The following RGL2 variants were observed in gnomAD, a reference collection of about 807,000 sequenced individuals.
RGL2 encodes ral guanine nucleotide dissociation stimulator like 2, also known as ral guanine nucleotide dissociation stimulator-like 2.
Under a neutral mutation model 84.6 loss-of-function variants are expected in RGL2, and 40 were observed. The ratio of observed to expected loss-of-function variants is 0.47; its 90% CI spans 0.37 to 0.62. RGL2 has a LOEUF of 0.62. RGL2 is among the 20% of genes least tolerant of loss of function. The pLI, the probability that RGL2 is intolerant of heterozygous loss-of-function variation, is 0.00. For missense variants in RGL2, 865 were observed against 1,019.7 expected (o/e 0.85, Z 2.07); for synonymous variants, 369 against 417.3 (o/e 0.88, Z 1.41).
Position 33,295,505 on chromosome 6 carries a change from C to T in RGL2, c.1020+3G>A. ...CAAACCGTAGGGCAATCTTCTCTCT[C>T]ACCTCTGCCACGCGGATCCACTTCT... On this transcript the variant is annotated splice_donor_region_variant and intron_variant, in intron 7 of 17. Coordinates refer to ENST00000497454, the MANE Select transcript of RGL2 (RefSeq NM_004761.5). This position sits in a 1 kb window ranked among gnomAD's most constrained non-coding sequence, Gnocchi z 7.2. The T allele has an allele frequency of 1.2e-6, 2 of 1,613,198 alleles. No homozygotes were observed. Among genetic ancestry groups the T allele is most frequent in the East Asian group, 2.2e-5 (1 of 44,862 alleles).
Position 33,293,127 on chromosome 6 carries a change from G to A in RGL2, c.1896C>T (p.Ser632=), listed in dbSNP as rs574036110. 3.0e-5 allele frequency: 48 copies of A among 1,612,952 alleles called. No individual in the cohort carries two copies. The highest frequency in any genetic ancestry group is 1.7e-4 in the Admixed American group (10 of 59,734). Residue 632 remains serine (S), a synonymous_variant, in exon 16 of 18, where the codon TCC becomes TCT. Transcript: ENST00000497454. This position sits in a 1 kb window ranked among gnomAD's most constrained non-coding sequence, Gnocchi z 7.0. ...CCTCTCCCCCATATCCAGTCCCCCCGGAGGCCTCTTCTGCACCCCCACTCA... is the reference window on the plus strand; with the variant it reads ...CCTCTCCCCCATATCCAGTCCCCCCAGAGGCCTCTTCTGCACCCCCACTCA... ...SPLSGGAEEA[S]GGTGYGGEGS...
chr6:33,295,444 G>A lies in RGL2; in HGVS notation c.1021-22C>T. The stretch of plus-strand genomic sequence containing the variant: ...ACTCCTGTGGGGGTCAAAGAAGAGA[G>A]CTAAGGCTATGGGAGGCCTCTCCAT... On this transcript the variant is annotated intron_variant, in intron 7 of 17. Coordinates refer to ENST00000497454, the MANE Select transcript of RGL2 (RefSeq NM_004761.5). The surrounding 1 kb of genome is among the most constrained non-coding windows in gnomAD (Gnocchi z 7.2). The A allele has an allele frequency of 1.2e-6, 2 of 1,613,266 alleles. No homozygotes were observed. Among genetic ancestry groups the A allele is most frequent in the Non-Finnish European group, 1.7e-6 (2 of 1,179,998 alleles).
rs1481813893 is a variant in RGL2 at position 33,293,931 on chromosome 6, T to G, written c.1387-15A>C. ...ACTGCAAACTCCTGGGAAGGAGCCC[T>G]CAAACTGCAGGAGCCAAAACTCAGG... On this transcript the variant is annotated splice_polypyrimidine_tract_variant and intron_variant, in intron 12 of 17. Coordinates refer to ENST00000497454, the MANE Select transcript of RGL2 (RefSeq NM_004761.5). The surrounding 1 kb of genome is among the most constrained non-coding windows in gnomAD (Gnocchi z 7.0). 31 of 1,613,978 alleles carry G rather than the reference T, an allele frequency of 1.9e-5. No individual in the cohort carries two copies. The highest frequency in any genetic ancestry group is 2.5e-5 in the Non-Finnish European group (29 of 1,180,010).
chr6:33,293,649 G>C lies in RGL2; in HGVS notation c.1559C>G (p.Ala520Gly), dbSNP rs777392591. 6.3e-5 allele frequency: 101 copies of C among 1,614,044 alleles called. No homozygotes were observed. Among genetic ancestry groups the C allele is most frequent in the Non-Finnish European group, 8.6e-5 (101 of 1,180,034 alleles). The change falls in exon 14 of 18, where the codon GCC becomes GGC. Residue 520 changes from alanine to glycine, a missense_variant. Transcript: ENST00000497454. The surrounding 1 kb of genome is among the most constrained non-coding windows in gnomAD (Gnocchi z 7.0). ...VEPPGSSDPP[A>G]PRVLRPTLVI... ...CAATGTTGGCCGAAGCACCCGTGGG[G>C]CAGGAGGGTCACTGGAACCAGGTGG...
At position 33,297,348 on chromosome 6, in the gene RGL2, A is replaced by G. The variant is rs1347479517; in HGVS notation, c.157-233T>C. 3 of 495,284 alleles carry G rather than the reference A, an allele frequency of 6.1e-6. No homozygotes were observed. Among genetic ancestry groups the G allele is most frequent in the Non-Finnish European group, 1.1e-5 (3 of 281,580 alleles). The allele number at this position is 495,284 out of a possible 1,614,324, so 30.7% of individuals were successfully genotyped here. On this transcript the variant is annotated intron_variant, in intron 2 of 17. Transcript: ENST00000497454. The surrounding 1 kb of genome is among the most constrained non-coding windows in gnomAD (Gnocchi z 4.0). ...GCCCCGGTGGAGTCGAAGGGGCTGCAGTGGAGGCGTGGATGGAGTACAGGA... is the reference window on the plus strand; with the variant it reads ...GCCCCGGTGGAGTCGAAGGGGCTGCGGTGGAGGCGTGGATGGAGTACAGGA...
chr6:33,295,839 G>C lies in RGL2; in HGVS notation c.769-80C>G. On this transcript the variant is annotated intron_variant, in intron 6 of 17. Transcript: ENST00000497454. The surrounding 1 kb of genome is among the most constrained non-coding windows in gnomAD (Gnocchi z 7.2). ...AATATCAGGGATCTGAGGATCTCAGGTGGCCAAGGAACCAGAGGGGCACAG... is the reference window on the plus strand; with the variant it reads ...AATATCAGGGATCTGAGGATCTCAGCTGGCCAAGGAACCAGAGGGGCACAG... 6.5e-7 allele frequency: 1 copy of C among 1,531,022 alleles called. No homozygotes were observed. Among genetic ancestry groups the C allele is most frequent in the Non-Finnish European group, 8.9e-7 (1 of 1,121,552 alleles). 94.8% of individuals were successfully genotyped at this position (1,531,022 alleles called of 1,614,324 possible).
chr6:33,293,732 A>G lies in RGL2; in HGVS notation c.1509-33T>C. Reference sequence around the variant, plus strand: ...AGGGGGGCAATAGGCAGAGCTCAGGACATGACACCAATCCCCCACACCTGG... The same window carrying G: ...AGGGGGGCAATAGGCAGAGCTCAGGGCATGACACCAATCCCCCACACCTGG... On this transcript the variant is annotated intron_variant, in intron 13 of 17. Transcript: ENST00000497454. This position sits in a 1 kb window ranked among gnomAD's most constrained non-coding sequence, Gnocchi z 7.0. The G allele has an allele frequency of 6.2e-7, 1 of 1,613,340 alleles. No homozygotes were observed. The highest frequency in any genetic ancestry group is 8.5e-7 in the Non-Finnish European group (1 of 1,179,496).
chr6:33,297,248 G>A lies in RGL2; in HGVS notation c.157-133C>T. On this transcript the variant is annotated intron_variant, in intron 2 of 17. Transcript: ENST00000497454. This position sits in a 1 kb window ranked among gnomAD's most constrained non-coding sequence, Gnocchi z 4.0. ...CAGGGCATAGTACCAGCGAGTGCGA[G>A]GAAGGGTTGGGGGAGCTGGTGACCC... The A allele has an allele frequency of 1.5e-6, 1 of 677,216 alleles. No homozygotes were observed. The highest frequency in any genetic ancestry group is 2.4e-6 in the Non-Finnish European group (1 of 418,526). The allele number at this position is 677,216 out of a possible 1,614,324, so 42.0% of individuals were successfully genotyped here.
rs956249589 is a variant in RGL2, at chr6:33,298,448, G to C, written c.156+7C>G. ...ACGCCCCCTACCTCCCACCACCCGC[G>C]TCTCACCTCTTCTTCTTCCTCCTCC... On this transcript the variant is annotated splice_region_variant and intron_variant, in intron 2 of 17. Coordinates refer to ENST00000497454, the MANE Select transcript of RGL2 (RefSeq NM_004761.5). This position sits in a 1 kb window ranked among gnomAD's most constrained non-coding sequence, Gnocchi z 4.8. 4 of 1,449,590 alleles carry C rather than the reference G, an allele frequency of 2.8e-6. No individual in the cohort carries two copies. In the African/African-American group the frequency reaches 4.3e-5, roughly 16 times the overall value. 89.8% of individuals were successfully genotyped at this position (1,449,590 alleles called of 1,614,324 possible).
At position 33,293,409 on chromosome 6, in the gene RGL2, T is replaced by A. The variant is rs1767624969; in HGVS notation, c.1716+4A>T. The A allele has an allele frequency of 6.2e-7, 1 of 1,612,530 alleles. No homozygotes were observed. The highest frequency in any genetic ancestry group is 1.3e-5 in the African/African-American group (1 of 74,836). On this transcript the variant is annotated splice_donor_region_variant and intron_variant, in intron 15 of 17. Coordinates refer to ENST00000497454, the MANE Select transcript of RGL2 (RefSeq NM_004761.5). The surrounding 1 kb of genome is among the most constrained non-coding windows in gnomAD (Gnocchi z 7.0). ...TCAAGGTCAGAGTCAGGAGCAGAGC[T>A]CACCTGGGCCAGCCGAGTCAGCAGA... is the stretch of plus-strand genomic sequence containing the variant.
chr6:33,296,297 G>A lies in RGL2; in HGVS notation c.499C>T (p.Leu167=), dbSNP rs771381573. 6.2e-7 allele frequency: 1 copy of A among 1,613,300 alleles called. No individual in the cohort carries two copies. The highest frequency in any genetic ancestry group is 1.1e-5 in the South Asian group (1 of 90,984). The change falls in exon 6 of 18, where the codon CTG becomes TTG. Residue 167 remains leucine, a synonymous_variant. Transcript: ENST00000497454. This position sits in a 1 kb window ranked among gnomAD's most constrained non-coding sequence, Gnocchi z 5.0. The stretch of plus-strand genomic sequence containing the variant: ...CCAAAATCCTCAGGGTGAGAGGCCA[G>A]CCAGGTTGACAGTACAGAGATGGCT... The part of the protein sequence containing the change: ...EVAISVLSTW[L]ASHPEDFGSE...
rs773313766 is a variant in RGL2, at chr6:33,293,709, G to A, written c.1509-10C>T. The A allele has an allele frequency of 6.2e-7, 1 of 1,613,930 alleles. No individual in the cohort carries two copies. The highest frequency in any genetic ancestry group is 8.5e-7 in the Non-Finnish European group (1 of 1,179,872). ...ACAGGATACACGATGGCTGGGTTAG[G>A]GGGGCAATAGGCAGAGCTCAGGACA... On this transcript the variant is annotated splice_polypyrimidine_tract_variant and intron_variant, in intron 13 of 17. Coordinates refer to ENST00000497454, the MANE Select transcript of RGL2 (RefSeq NM_004761.5). The surrounding 1 kb of genome is among the most constrained non-coding windows in gnomAD (Gnocchi z 7.0).
At chr6:33,292,397 T>C (rs944844336) in intron 17 of RGL2, 33 bp downstream of exon 17, 1 of 1,607,242 alleles carries the variant, frequency 6.2e-7, no homozygotes, top group African/African-American at 1.3e-5. Context: ...TCCACTCTCC[T>C]CCCGAGTCTG....
chr6:33,298,392 C>T lies in RGL2; in HGVS notation c.156+63G>A, dbSNP rs1022961349. 1.1e-6 allele frequency: 1 copy of T among 901,310 alleles called. No homozygotes were observed. Among genetic ancestry groups the T allele is most frequent in the African/African-American group, 1.8e-5 (1 of 56,924 alleles). 55.8% of individuals were successfully genotyped at this position (901,310 alleles called of 1,614,324 possible). On this transcript the variant is annotated intron_variant, in intron 2 of 17. Transcript: ENST00000497454. This position sits in a 1 kb window ranked among gnomAD's most constrained non-coding sequence, Gnocchi z 4.8. ...AGGAGGAGATGTAGGGACCCAGAGA[C>T]AAGAGAAAAGTGGAGACTTCAGAAA...
chr6:33,295,237 G>A lies in RGL2; in HGVS notation c.1125-26C>T. 6.3e-7 allele frequency: 1 copy of A among 1,584,290 alleles called. No homozygotes were observed. Among genetic ancestry groups the A allele is most frequent in the Middle Eastern group, 1.7e-4 (1 of 6,024 alleles). ...CTGGGGAAGGGAGAAAAGTGGCCCT[G>A]AGGACAGGCCTGGCTCTGTCACCCC... On this transcript the variant is annotated intron_variant, in intron 8 of 17. Coordinates refer to ENST00000497454, the MANE Select transcript of RGL2 (RefSeq NM_004761.5). This position sits in a 1 kb window ranked among gnomAD's most constrained non-coding sequence, Gnocchi z 7.2.
At position 33,298,775 on chromosome 6, in the gene RGL2, G is replaced by T. The variant is rs1768276686; in HGVS notation, c.-42+95C>A. The T allele has an allele frequency of 2.0e-6, 1 of 501,812 alleles. No homozygotes were observed. Among genetic ancestry groups the T allele is most frequent in the Non-Finnish European group, 3.5e-6 (1 of 286,640 alleles). The allele number at this position is 501,812 out of a possible 1,614,324, so 31.1% of individuals were successfully genotyped here. On this transcript the variant is annotated intron_variant, in intron 1 of 17. Transcript: ENST00000497454. This position sits in a 1 kb window ranked among gnomAD's most constrained non-coding sequence, Gnocchi z 4.8. ...GAGTTCTGCAGGAAGGTTGGGGGAG[G>T]GGGCAACAGAAGGGTGGAATAGGGG...
chr6:33,294,118 CAG>C lies in RGL2; in HGVS notation c.1354-54_1354-53del, dbSNP rs751761632. On this transcript the variant is annotated intron_variant, in intron 11 of 17. Transcript: ENST00000497454. The surrounding 1 kb of genome is among the most constrained non-coding windows in gnomAD (Gnocchi z 5.0). ...AAGTTCCAACCCTACCTTCCGGCCACAGAGAGAGAATATCCCCTCTCTTAAAC... is the reference window on the plus strand; with the variant it reads ...AAGTTCCAACCCTACCTTCCGGCCACAGAGAGAATATCCCCTCTCTTAAAC... 1.3e-5 allele frequency: 20 copies of C among 1,582,864 alleles called. No individual in the cohort carries two copies. Among genetic ancestry groups the C allele is most frequent in the Middle Eastern group, 2.0e-4 (1 of 5,030 alleles).
chr6:33,295,165 C>T lies in RGL2; in HGVS notation c.1171G>A (p.Glu391Lys). 6.2e-7 allele frequency: 1 copy of T among 1,607,662 alleles called. No homozygotes were observed. The highest frequency in any genetic ancestry group is 8.5e-7 in the Non-Finnish European group (1 of 1,176,834). ...TCCCGACTCTGGGAATAATTATCCTCCTCGGAGAAAATCTGGCAGAGGCTG... is the reference window on the plus strand; with the variant it reads ...TCCCGACTCTGGGAATAATTATCCTTCTCGGAGAAAATCTGGCAGAGGCTG... The part of the protein sequence containing the change: ...FSSLCQIFSE[E>K]DNYSQSRELL... Residue 391 changes from glutamate (E) to lysine (K), a missense_variant, in exon 9 of 18, where the codon GAG becomes AAG. Around this residue, in one of 5 missense-constraint regions of RGL2, gnomAD observed 455 missense variants for 507.8 expected, o/e 0.90. Transcript: ENST00000497454. The surrounding 1 kb of genome is among the most constrained non-coding windows in gnomAD (Gnocchi z 7.2).
Position 33,292,479 on chromosome 6 carries a change from A to G in RGL2, c.2073T>C (p.Ser691=), listed in dbSNP as rs149905861. 5.6e-6 allele frequency: 9 copies of G among 1,614,176 alleles called. No homozygotes were observed. In the African/African-American group the frequency reaches 8.0e-5, roughly 14 times the overall value. Residue 691 remains serine (S), a synonymous_variant, in exon 17 of 18, where the codon TCT becomes TCC. Transcript: ENST00000497454. Reference sequence around the variant, plus strand: ...CCAGCTCATACTCTGAAGCCACTGCAGAGTCACGATTGTTTTTCTTAAGGA... The same window carrying G: ...CCAGCTCATACTCTGAAGCCACTGCGGAGTCACGATTGTTTTTCTTAAGGA... ...SRVLKKNNRD[S]AVASEYELVQ...
Sources: gnomAD v4.1 joint callset for allele counts on GRCh38, gnomAD v4.1.1 for gene constraint, gnomAD v4.1.1 regional missense constraint, Gnocchi (gnomAD v3.1) non-coding constraint, MANE v1.5 for transcripts, NCBI Gene and HGNC (gene_info 2026-07-23, HGNC 2026-07-21) for gene names.